Variants in STAT4 observed in about 807,000 individuals in gnomAD.
STAT4 encodes signal transducer and activator of transcription 4.
In STAT4, 42 loss-of-function variants were observed where a neutral mutation model predicts 110.5. That is an observed-to-expected ratio of 0.38 (90% CI 0.30 to 0.49). The LOEUF (loss-of-function observed/expected upper bound fraction) is 0.49, where lower values mean the gene tolerates loss of function less well. Ranked by LOEUF, STAT4 falls within the 20% of genes least tolerant of loss-of-function variation. The pLI is 0.95. For synonymous variants in STAT4, 284 were observed against 302.2 expected (o/e 0.94, Z 0.63); for missense variants, 632 against 887.9 (o/e 0.71, Z 3.66).
intron 3 of STAT4, chr2:191,131,902 TA>T: frequency 7.1e-7 from 1 of 1,412,728 alleles, no homozygotes; most frequent in Non-Finnish European, 9.2e-7. Context: ...CCCTGGGGAC[TA>T]AAGCAAATTA....
At chr2:191,139,505 C>CA (rs1406637800) in intron 3 of STAT4, among the ~76,000 whole-genome samples, 1 of 151,884 alleles carries the variant, frequency 6.6e-6, no homozygotes, top group Non-Finnish European at 1.5e-5. Flanking sequence ...ACAATAGCTG[C>CA]AAAAAAGAAA....
chr2:191,054,963 CTATTA>C (rs1696639891), intron 13 of STAT4, among the ~76,000 whole-genome samples: 1 of 151,738 alleles, frequency 6.6e-6, no homozygotes, highest in Non-Finnish European at 1.5e-5. Context: ...GCATAGTAAG[CTATTA>C]AATGACATTA....
intron 3 of STAT4, among the ~76,000 whole-genome samples, chr2:191,102,256 A>G (rs1469557565): frequency 6.6e-6 from 1 of 152,136 alleles, no homozygotes. Context: ...TTTTAACAAG[A>G]GCACTTAATC....
In STAT4 at chr2:191,033,286, G is replaced by T; in HGVS notation, c.1853-137C>A. On this transcript the variant is annotated intron_variant, in intron 20 of 23. Transcript: ENST00000392320. The surrounding 1 kb of genome is among the most constrained non-coding windows in gnomAD (Gnocchi z 6.9). ...TCACTTCAATGTCAGACCTTCTGCTGTCTGGACAGTATAGATTGTGCATAC... is the reference window on the plus strand; with the variant it reads ...TCACTTCAATGTCAGACCTTCTGCTTTCTGGACAGTATAGATTGTGCATAC... 8.7e-7 allele frequency: 1 copy of T among 1,145,518 alleles called. No individual in the cohort carries two copies. Among genetic ancestry groups the T allele is most frequent in the Non-Finnish European group, 1.2e-6 (1 of 817,184 alleles). The allele number at this position is 1,145,518 out of a possible 1,614,324, so 71.0% of individuals were successfully genotyped here. A position where few individuals can be genotyped will look rare whatever the true frequency, so the allele number is the denominator to read the frequency against.
In STAT4 at chr2:191,043,911, T is replaced by C. The variant is rs1473008564; in HGVS notation, c.1252-2763A>G. Among the ~76,000 whole-genome samples the C allele has an allele frequency of 6.7e-6, 1 of 149,740 alleles. No homozygotes were observed. Among genetic ancestry groups the C allele is most frequent in the African/African-American group, 2.5e-5 (1 of 40,516 alleles). Reference sequence around the variant, plus strand: ...ATAATACAGAATAATATAAAGTATATAGAAACATATTCATTCATAGAAAAA... The same window carrying C: ...ATAATACAGAATAATATAAAGTATACAGAAACATATTCATTCATAGAAAAA... On this transcript the variant is annotated intron_variant, in intron 14 of 23. Coordinates refer to ENST00000392320, the MANE Select transcript of STAT4 (RefSeq NM_003151.4). The surrounding 1 kb of genome is among the most constrained non-coding windows in gnomAD (Gnocchi z 4.8).
Position 191,030,778 on chromosome 2 carries a change from T to C in STAT4, c.2220+194A>G, listed in dbSNP as rs544163176. Reference sequence around the variant, plus strand: ...GTAAAGCAGTTTAAGTAACTGAAGGTGTCTGCTTTCAATACGCATAATATC... The same window carrying C: ...GTAAAGCAGTTTAAGTAACTGAAGGCGTCTGCTTTCAATACGCATAATATC... On this transcript the variant is annotated intron_variant, in intron 23 of 23. Coordinates refer to ENST00000392320, the MANE Select transcript of STAT4 (RefSeq NM_003151.4). This position sits in a 1 kb window ranked among gnomAD's most constrained non-coding sequence, Gnocchi z 4.4. 1.8e-4 allele frequency: 94 copies of C among 528,214 alleles called. No individual in the cohort carries two copies. The highest frequency in any genetic ancestry group is 4.6e-4 in the Middle Eastern group (1 of 2,156). 32.7% of individuals were successfully genotyped at this position (528,214 alleles called of 1,614,324 possible).
chr2:191,030,444 C>T lies in STAT4; in HGVS notation c.2220+528G>A, dbSNP rs3024905. ...ATGACTCATTTCTCAAAAAGGAGAG[C>T]ATTATTATGCCATTGACTGTTATTC... On this transcript the variant is annotated intron_variant, in intron 23 of 23. Transcript: ENST00000392320. The surrounding 1 kb of genome is among the most constrained non-coding windows in gnomAD (Gnocchi z 4.4). Among the ~76,000 whole-genome samples, 3,295 of 152,186 alleles carry T rather than the reference C, an allele frequency of 0.022. 111 individuals carry two copies. Among genetic ancestry groups the T allele is most frequent in the African/African-American group, 0.074 (3,077 of 41,478 alleles).
Position 191,058,723 on chromosome 2 carries a change from C to A in STAT4, c.1081G>T (p.Ala361Ser). The change falls in exon 11 of 24, where the codon GCA (alanine) becomes TCA (serine). Residue 361 changes from alanine (A) to serine (S), a missense_variant. By Grantham distance (99) the Ala-to-Ser change is moderately conservative (BLOSUM62 1). Transcript: ENST00000392320. This position sits in a 1 kb window ranked among gnomAD's most constrained non-coding sequence, Gnocchi z 4.3. ...TAGAAAACTTACTTGTCAATTGATG[C>A]CTTAACCTTTACCTGATAGTTTAGT... The part of the protein sequence containing the change: ...PELNYQVKVK[A>S]SIDKNVSTLS... 1 of 1,589,976 alleles carries A rather than the reference C, an allele frequency of 6.3e-7. No individual in the cohort carries two copies. The highest frequency in any genetic ancestry group is 8.6e-7 in the Non-Finnish European group (1 of 1,167,202).
chr2:191,145,767 G>A (rs1004490077), intron 3 of STAT4, among the ~76,000 whole-genome samples: 3 of 152,160 alleles, frequency 2.0e-5, no homozygotes, highest in African/African-American at 7.2e-5. Flanking sequence ...TCTCCATGAA[G>A]AATGGCACAA....
rs1340478902 is a variant in STAT4, at chr2:191,030,576, TAGTA to T, written c.2220+392_2220+395del. Among the ~76,000 whole-genome samples, 1 of 152,050 alleles carries T rather than the reference TAGTA, an allele frequency of 6.6e-6. No individual in the cohort carries two copies. The highest frequency in any genetic ancestry group is 1.5e-5 in the Non-Finnish European group (1 of 68,030). On this transcript the variant is annotated intron_variant, in intron 23 of 23. Transcript: ENST00000392320. This position sits in a 1 kb window ranked among gnomAD's most constrained non-coding sequence, Gnocchi z 4.4. ...AAGATAGCAAACTGGGTTTACTAGA[TAGTA>T]AGTAACTAGTAAACTAGATAGTATA... is the stretch of plus-strand genomic sequence containing the variant.
At chr2:191,101,531 T>C (rs538905162) in intron 3 of STAT4, among the ~76,000 whole-genome samples, 1 of 152,272 alleles carries the variant, frequency 6.6e-6, no homozygotes, top group South Asian at 2.1e-4. Context: ...ACTGTTGATG[T>C]TTAGATTACT....
chr2:191,057,689 G>A (rs1482277948), intron 13 of STAT4, among the ~76,000 whole-genome samples: 2 of 146,606 alleles, frequency 1.4e-5, no homozygotes, highest in East Asian at 4.1e-4. Context: ...ACCTCCGTCT[G>A]CCGGGTTCAA....
chr2:191,131,941 G>T lies in STAT4; in HGVS notation c.273+14672C>A, dbSNP rs574898225. The T allele has an allele frequency of 2.7e-5, 35 of 1,317,070 alleles. No individual in the cohort carries two copies. The South Asian group carries it at 8.0e-4, about 30-fold the overall frequency. 81.6% of individuals were successfully genotyped at this position (1,317,070 alleles called of 1,614,324 possible). On this transcript the variant is annotated intron_variant, in intron 3 of 23. Transcript: ENST00000392320. ...GGTCTGTTTATTCTCTACACTTGTGGAGGTGTGTGTTATCTAGATTTACAA... is the reference window on the plus strand; with the variant it reads ...GGTCTGTTTATTCTCTACACTTGTGTAGGTGTGTGTTATCTAGATTTACAA...
Position 191,104,739 on chromosome 2 carries a change from G to C in STAT4, c.274-28414C>G, listed in dbSNP as rs1698233156. On this transcript the variant is annotated intron_variant, in intron 3 of 23. Transcript: ENST00000392320. The surrounding 1 kb of genome is among the most constrained non-coding windows in gnomAD (Gnocchi z 4.3). ...GAATGATCCTTTTTAAGTGAATTTT[G>C]ACTTTGCAAAGATTCTCTCTATTAC... Among the ~76,000 whole-genome samples the C allele has an allele frequency of 6.6e-6, 1 of 152,044 alleles. No individual in the cohort carries two copies. The highest frequency in any genetic ancestry group is 2.4e-5 in the African/African-American group (1 of 41,406).
chr2:191,127,302 G>A (rs1050609456), intron 3 of STAT4, among the ~76,000 whole-genome samples: 14 of 151,936 alleles, frequency 9.2e-5, no homozygotes, highest in African/African-American at 3.4e-4. Context: ...CAAGATCTTC[G>A]CTTAAAGTGC....
chr2:191,132,376 C>T (rs917318748), intron 3 of STAT4, among the ~76,000 whole-genome samples: 6 of 151,746 alleles, frequency 4.0e-5, no homozygotes, highest in Non-Finnish European at 8.8e-5. Flanking sequence ...ACCAGATATT[C>T]TTAAGCATGA....
intron 3 of STAT4, among the ~76,000 whole-genome samples, chr2:191,080,974 A>C (rs1234716192): frequency 6.6e-6 from 1 of 152,072 alleles, no homozygotes; most frequent in Non-Finnish European, 1.5e-5. Context: ...TATTTCTCCT[A>C]ATGCTATCCC....
intron 18 of STAT4, among the ~76,000 whole-genome samples, 185 bp downstream of exon 18, chr2:191,034,363 C>T (rs540472932): frequency 2.7e-5 from 4 of 149,590 alleles, no homozygotes; most frequent in South Asian, 4.2e-4. Context: ...GCAGAGCTTG[C>T]AGTGAGCCGA....
chr2:191,117,324 C>G lies in STAT4; in HGVS notation c.273+29289G>C, dbSNP rs1698598126. ...AAGTTTCTAATAGCTTAAGGCTGTT[C>G]TGACTTCAAATTTCAAAGACTTGCC... On this transcript the variant is annotated intron_variant, in intron 3 of 23. Transcript: ENST00000392320. This position sits in a 1 kb window ranked among gnomAD's most constrained non-coding sequence, Gnocchi z 5.2. Among the ~76,000 whole-genome samples the G allele has an allele frequency of 1.3e-5, 2 of 152,186 alleles. No homozygotes were observed. The highest frequency in any genetic ancestry group is 2.4e-5 in the African/African-American group (1 of 41,448).
Sources: gnomAD v4.1 joint callset for allele counts (sites outside exome capture counted in the v4.1 genomes callset) on GRCh38, gnomAD v4.1.1 for gene constraint, Gnocchi (gnomAD v3.1) non-coding constraint, MANE v1.5 for transcripts, NCBI Gene and HGNC (gene_info 2026-07-23, HGNC 2026-07-21) for gene names.